Variants in NARF observed in about 807,000 individuals in gnomAD.
The protein encoded by NARF is iron-only hydrogenase-like protein 2.
Under a neutral mutation model 48.0 loss-of-function variants are expected in NARF, and 41 were observed. That is an observed-to-expected ratio of 0.85 (90% CI 0.66 to 1.11). The LOEUF (loss-of-function observed/expected upper bound fraction) is 1.11, where lower values mean the gene tolerates loss of function less well. Ranked by LOEUF, NARF falls within the 50% of genes least tolerant of loss-of-function variation. The pLI, the probability that NARF is intolerant of heterozygous loss-of-function variation, is 0.00. For missense variants in NARF, 613 were observed against 590.2 expected (o/e 1.04, Z -0.40); for synonymous variants, 215 against 225.5 (o/e 0.95, Z 0.42).
chr17:82,484,020 TA>T (rs1453650173), intron 8 of NARF: 1 of 507,524 alleles, frequency 2.0e-6, no homozygotes, highest in Non-Finnish European at 3.5e-6. Flanking sequence ...ATTGCCACCC[TA>T]AACCCTTGAG....
intron 9 of NARF, 52 bp downstream of exon 9, chr17:82,485,002 T>A: frequency 6.5e-7 from 1 of 1,540,720 alleles, no homozygotes. Flanking sequence ...CACGTGTGCA[T>A]GGTGTGCCTG....
intron 10 of NARF, 25 bp from the exon 11 acceptor site, chr17:82,487,891 A>T (rs1411710122): frequency 9.9e-6 from 16 of 1,612,204 alleles, no homozygotes; most frequent in African/African-American, 1.3e-5. Context: ...AGCCCAGGAT[A>T]AACTTACCTG....
chr17:82,467,000 T>G (rs998097858), intron 3 of NARF, among the ~76,000 whole-genome samples: 3 of 148,562 alleles, frequency 2.0e-5, no homozygotes, highest in African/African-American at 7.5e-5. Flanking sequence ...GCCTTCTTTT[T>G]TTTTTTTTTC....
In NARF at chr17:82,471,791, C is replaced by CAAAA. The variant is rs58302009; in HGVS notation, c.386-760_386-757dup. On this transcript the variant is annotated intron_variant, in intron 4 of 10. Coordinates refer to ENST00000309794, the MANE Select transcript of NARF (RefSeq NM_012336.4). The stretch of plus-strand genomic sequence containing the variant: ...TGCGCGAAAGAGTGAGACTCCGTCT[C>CAAAA]AAAAAAAAAAAAAAAAGTATGCCCA... Among the ~76,000 whole-genome samples the CAAAA allele has an allele frequency of 1.2e-4, 8 of 64,610 alleles. 1 individual carries two copies. The highest frequency in any genetic ancestry group is 1.1e-3 in the Admixed American group (6 of 5,260). 42.4% of individuals were successfully genotyped at this position (64,610 alleles called of 152,430 possible).
Position 82,488,383 on chromosome 17 carries a change from T to G in NARF, c.*226T>G. 1 of 570,384 alleles carries G rather than the reference T, an allele frequency of 1.8e-6. No individual in the cohort carries two copies. The highest frequency in any genetic ancestry group is 2.8e-6 in the Non-Finnish European group (1 of 358,020). The allele number at this position is 570,384 out of a possible 1,614,324, so 35.3% of individuals were successfully genotyped here. On this transcript the variant is annotated 3_prime_UTR_variant, in exon 11 of 11. Transcript: ENST00000309794. Reference sequence around the variant, plus strand: ...GTGGGATTGGAACTTTTTTTTTCTTTTTTTTTTTTTGAGACGGAGTCTCAC... The same window carrying G: ...GTGGGATTGGAACTTTTTTTTTCTTGTTTTTTTTTTGAGACGGAGTCTCAC...
chr17:82,480,794 T>C, intron 6 of NARF: 1 of 509,112 alleles, frequency 2.0e-6, no homozygotes, highest in East Asian at 3.3e-5. Flanking sequence ...TAGCCAGGCG[T>C]GGCGGCATGC....
In NARF at chr17:82,489,977, G is replaced by C. The variant is rs1027727858; in HGVS notation, c.*1820G>C. 6.6e-6 allele frequency: 1 copy of C among 152,146 alleles called. No homozygotes were observed. Among genetic ancestry groups the C allele is most frequent in the Non-Finnish European group, 1.5e-5 (1 of 68,048 alleles). 9.4% of individuals were successfully genotyped at this position (152,146 alleles called of 1,614,324 possible). A position where few individuals can be genotyped will look rare whatever the true frequency, so the allele number is the denominator to read the frequency against. On this transcript the variant is annotated 3_prime_UTR_variant, in exon 11 of 11. Transcript: ENST00000309794. The stretch of plus-strand genomic sequence containing the variant: ...GGAGTAGCTGGGATTACAGGCGCGC[G>C]CCACCGCGCCTGGCTAATTGTATTC...
At chr17:82,487,796 A>AAACAAC in intron 10 of NARF, 120 bp from the exon 11 acceptor site, 1 of 819,924 alleles carries the variant, frequency 1.2e-6, no homozygotes, top group Non-Finnish European at 1.9e-6. Context: ...CCCAATCTCT[A>AAACAAC]CAAAAAATTT....
intron 5 of NARF, among the ~76,000 whole-genome samples, chr17:82,474,455 A>G (rs995027463): frequency 2.0e-5 from 3 of 152,166 alleles, no homozygotes; most frequent in Non-Finnish European, 4.4e-5. Context: ...TCGATGATGC[A>G]TAAGGGAATA....
intron 1 of NARF, chr17:82,459,424 C>T (rs557392148): frequency 1.3e-5 from 2 of 155,026 alleles, no homozygotes; most frequent in East Asian, 3.8e-4. Context: ...CGTTCATCCC[C>T]GGTGGTGGCT....
chr17:82,458,730 C>A (rs1173788801), upstream of NARF: 2 of 1,442,164 alleles, frequency 1.4e-6, no homozygotes, highest in Non-Finnish European at 1.8e-6. Flanking sequence ...CCGCGGGCGG[C>A]GGGCAGTGGT....
At chr17:82,486,474 A>G (rs1469085612) in intron 10 of NARF, among the ~76,000 whole-genome samples, 1 of 152,150 alleles carries the variant, frequency 6.6e-6, no homozygotes, top group Non-Finnish European at 1.5e-5. Flanking sequence ...CAGGGCACAG[A>G]CAAGGGTGTG....
intron 8 of NARF, chr17:82,484,410 A>G (rs572308195): frequency 5.4e-5 from 9 of 165,890 alleles, no homozygotes; most frequent in African/African-American, 1.9e-4. Context: ...GCTCACACCT[A>G]TAATCACAGT....
At chr17:82,466,905 C>G (rs770169765) in intron 3 of NARF, among the ~76,000 whole-genome samples, 48 of 152,234 alleles carry the variant, frequency 3.2e-4, no homozygotes, top group Non-Finnish European at 5.7e-4. Flanking sequence ...GTTGGCCAGG[C>G]TGGTCTTGAA....
At position 82,458,797 on chromosome 17, in the gene NARF, G is replaced by C. The variant is rs769105996; in HGVS notation, c.-7G>C. The C allele has an allele frequency of 2.1e-5, 31 of 1,461,466 alleles. No homozygotes were observed. Among genetic ancestry groups the C allele is most frequent in the Non-Finnish European group, 2.8e-5 (31 of 1,114,290 alleles). 90.5% of individuals were successfully genotyped at this position (1,461,466 alleles called of 1,614,324 possible). A position where few individuals can be genotyped will look rare whatever the true frequency, so the allele number is the denominator to read the frequency against. On this transcript the variant is annotated 5_prime_UTR_variant, in exon 1 of 11. Transcript: ENST00000309794. ...AGGCGCCCGGCCTCCCGCCCGCCGC[G>C]CTCCAGATGAAGTGTGAGCACTGCA...
In NARF at chr17:82,481,036, C is replaced by T. The variant is rs768929942; in HGVS notation, c.640-46C>T. The T allele has an allele frequency of 5.0e-6, 8 of 1,612,804 alleles. No homozygotes were observed. The East Asian group carries it at 6.7e-5, about 13-fold the overall frequency. On this transcript the variant is annotated intron_variant, in intron 6 of 10. Coordinates refer to ENST00000309794, the MANE Select transcript of NARF (RefSeq NM_012336.4). ...GTTCTGGGCACCAAGCGTAAGCTGC[C>T]GTCACCTCTTCACCAGCCCTAAATA...
chr17:82,459,053 A>C, intron 1 of NARF: 2 of 1,204,572 alleles, frequency 1.7e-6, no homozygotes. Context: ...GAACTTGTCC[A>C]TCTTTCCCAC....
rs1323836932 is a variant in NARF, at chr17:82,490,160, T to C, written c.*2003T>C. 1 of 152,248 alleles carries C rather than the reference T, an allele frequency of 6.6e-6. No individual in the cohort carries two copies. The highest frequency in any genetic ancestry group is 1.5e-5 in the Non-Finnish European group (1 of 68,076). 9.4% of individuals were successfully genotyped at this position (152,248 alleles called of 1,614,324 possible). On this transcript the variant is annotated 3_prime_UTR_variant, in exon 11 of 11. Transcript: ENST00000309794. ...TTTTTTTAAAAAGGAGAAAGCAGTT[T>C]AACCACAAACAGTGAAACAGAGCTG...
At position 82,471,407 on chromosome 17, in the gene NARF, A is replaced by G. The variant is rs1431151942; in HGVS notation, c.386-1157A>G. Among the ~76,000 whole-genome samples the G allele has an allele frequency of 2.0e-5, 3 of 149,594 alleles. No individual in the cohort carries two copies. In the East Asian group the frequency reaches 5.9e-4, roughly 29 times the overall value. ...GAGGCGGAGCTTGCAGTGAGCCGAG[A>G]TCACGCCACTGCACTCCAGCCTGGG... On this transcript the variant is annotated intron_variant, in intron 4 of 10. Coordinates refer to ENST00000309794, the MANE Select transcript of NARF (RefSeq NM_012336.4).
Sources: gnomAD v4.1 joint callset for allele counts (sites outside exome capture counted in the v4.1 genomes callset) on GRCh38, gnomAD v4.1.1 for gene constraint, MANE v1.5 for transcripts, NCBI Gene and HGNC (gene_info 2026-07-23, HGNC 2026-07-21) for gene names.